Variants in CDH13 observed in about 807,000 individuals in gnomAD.
CDH13 encodes the protein cadherin 13, also known as cadherin-13.
A neutral mutation model predicts 63.8 loss-of-function variants in CDH13; 24 were observed. The observed-to-expected ratio is 0.38, with a 90% CI of 0.27 to 0.53. The LOEUF is 0.53. Ranked by LOEUF, CDH13 falls within the 20% of genes least tolerant of loss-of-function variation. CDH13 has a pLI of 0.85. For missense variants in CDH13, 1,049 were observed against 903.1 expected, an observed-to-expected ratio of 1.16 and a Z score of -2.07; for synonymous variants, 503 against 355.3, an observed-to-expected ratio of 1.42 and a Z score of -4.67.
intron 5 of CDH13, among the ~76,000 whole-genome samples, chr16:83,232,845 A>G (rs1049069317): frequency 1.3e-5 from 2 of 152,150 alleles, no homozygotes; most frequent in Non-Finnish European, 2.9e-5. Context: ...CAGCCCTTTT[A>G]TATCTAATTT....
At chr16:83,297,912 A>G (rs954012060) in intron 5 of CDH13, among the ~76,000 whole-genome samples, 12 of 152,006 alleles carry the variant, frequency 7.9e-5, no homozygotes, top group African/African-American at 2.9e-4. Flanking sequence ...AGTTGGTGAA[A>G]ATAAGAAAGA....
chr16:82,830,374 C>G (rs184405468), intron 1 of CDH13, among the ~76,000 whole-genome samples: 7 of 152,310 alleles, frequency 4.6e-5, no homozygotes, highest in Non-Finnish European at 8.8e-5. Flanking sequence ...CAGAGTTGAG[C>G]ATCTTTTCTC....
At chr16:83,488,157 T>A (rs559126080) in intron 7 of CDH13, among the ~76,000 whole-genome samples, 2 of 152,210 alleles carry the variant, frequency 1.3e-5, no homozygotes, top group Admixed American at 1.3e-4. Flanking sequence ...CACAGACACA[T>A]CTCAAGTGCT....
At chr16:82,893,647 C>A (rs2041154690) in intron 2 of CDH13, among the ~76,000 whole-genome samples, 1 of 152,162 alleles carries the variant, frequency 6.6e-6, no homozygotes, top group Admixed American at 6.5e-5. Context: ...TTCCCTGCTG[C>A]CTCTGAGCGA....
At chr16:83,080,731 A>G (rs1212656745) in intron 3 of CDH13, among the ~76,000 whole-genome samples, 3 of 151,998 alleles carry the variant, frequency 2.0e-5, no homozygotes, top group Admixed American at 2.0e-4. Context: ...AGAGGCGGCA[A>G]TGGGGGGTGA....
chr16:83,459,069 G>C (rs1334482404), intron 6 of CDH13, among the ~76,000 whole-genome samples: 2 of 152,136 alleles, frequency 1.3e-5, no homozygotes, highest in Admixed American at 6.6e-5. Flanking sequence ...TAAGAACCAA[G>C]ATGGCCAACA....
At chr16:82,693,135 T>C (rs1006584757) in intron 1 of CDH13, among the ~76,000 whole-genome samples, 5 of 152,170 alleles carry the variant, frequency 3.3e-5, no homozygotes, top group Non-Finnish European at 1.5e-5. Context: ...AGGAAATGAA[T>C]CTGCCAGTTA....
intron 2 of CDH13, among the ~76,000 whole-genome samples, chr16:82,901,552 C>T (rs1427322273): frequency 2.6e-5 from 4 of 152,112 alleles, no homozygotes; most frequent in East Asian, 1.9e-4. Context: ...CTACCCTCTG[C>T]ACTCTAGGTT....
chr16:83,536,444 G>A (rs1368717355), intron 7 of CDH13, among the ~76,000 whole-genome samples: 1 of 152,090 alleles, frequency 6.6e-6, no homozygotes, highest in East Asian at 1.9e-4. Flanking sequence ...TGGGTAGAAA[G>A]AACATCACAG....
chr16:83,445,460 T>C (rs1022694845), intron 6 of CDH13, among the ~76,000 whole-genome samples: 1 of 152,128 alleles, frequency 6.6e-6, no homozygotes, highest in Non-Finnish European at 1.5e-5. Context: ...CTCAGGCTTC[T>C]GGGTCATTAA....
At chr16:82,891,596 C>T (rs1468746248) in intron 2 of CDH13, among the ~76,000 whole-genome samples, 1 of 152,164 alleles carries the variant, frequency 6.6e-6, no homozygotes, top group Non-Finnish European at 1.5e-5. Context: ...ATTTTTGGAT[C>T]AGAAAATACC....
intron 1 of CDH13, among the ~76,000 whole-genome samples, chr16:82,694,696 A>G (rs1354335204): frequency 6.6e-6 from 1 of 152,152 alleles, no homozygotes; most frequent in Non-Finnish European, 1.5e-5. Flanking sequence ...ATAAATAAGG[A>G]CCTACTGAAT....
intron 1 of CDH13, among the ~76,000 whole-genome samples, chr16:82,682,670 A>G (rs748448518): frequency 7.2e-5 from 11 of 152,230 alleles, no homozygotes; most frequent in Non-Finnish European, 1.5e-4. Flanking sequence ...GGAAGTCTCC[A>G]AGGAGCAAGG....
chr16:82,906,597 G>A (rs1202435801), intron 2 of CDH13, among the ~76,000 whole-genome samples: 2 of 152,174 alleles, frequency 1.3e-5, no homozygotes, highest in African/African-American at 4.8e-5. Context: ...GTGCACATTA[G>A]GCTCTTCTAA....
At chr16:83,188,667 T>G (rs895955791) in intron 4 of CDH13, among the ~76,000 whole-genome samples, 1 of 152,192 alleles carries the variant, frequency 6.6e-6, no homozygotes, top group African/African-American at 2.4e-5. Flanking sequence ...CTCCTGGAAT[T>G]TCTTATTGTA....
chr16:83,316,987 G>A (rs1274248507), intron 5 of CDH13, among the ~76,000 whole-genome samples: 1 of 152,184 alleles, frequency 6.6e-6, no homozygotes, highest in African/African-American at 2.4e-5. Context: ...ATAGCAGAGG[G>A]GTTCCTAACC....
intron 1 of CDH13, among the ~76,000 whole-genome samples, chr16:82,854,400 C>CAAAAAAA (rs66969029): frequency 8.9e-6 from 1 of 112,040 alleles, no homozygotes; most frequent in African/African-American, 3.5e-5. Flanking sequence ...GGCTCTGTCT[C>CAAAAAAA]AAAAAAAAAA....
At chr16:83,633,777 T>G (rs987108395) in intron 8 of CDH13, among the ~76,000 whole-genome samples, 1 of 152,166 alleles carries the variant, frequency 6.6e-6, no homozygotes, top group East Asian at 1.9e-4. Flanking sequence ...GTTCTGGGCC[T>G]GTACAGTCTG....
intron 1 of CDH13, among the ~76,000 whole-genome samples, chr16:82,674,659 T>C (rs891114098): frequency 3.3e-5 from 5 of 152,192 alleles, no homozygotes; most frequent in African/African-American, 9.7e-5. Flanking sequence ...CAAAACATTA[T>C]TGAGAAATAT....
Sources: gnomAD v4.1 joint callset for allele counts (sites outside exome capture counted in the v4.1 genomes callset) on GRCh38, gnomAD v4.1.1 for gene constraint, MANE v1.5 for transcripts, NCBI Gene and HGNC (gene_info 2026-07-23, HGNC 2026-07-21) for gene names.